MALRD1: variants seen among roughly 807,000 people sequenced by gnomAD.
MALRD1 encodes MAM and LDL receptor class A domain containing 1.
Under a neutral mutation model 242.1 loss-of-function variants are expected in MALRD1, and 247 were observed. The observed-to-expected ratio is 1.02, with a 90% CI of 0.92 to 1.13. The LOEUF (loss-of-function observed/expected upper bound fraction) is 1.13. Ranked by LOEUF, MALRD1 falls within the 50% of genes most tolerant of loss-of-function variation. The pLI, the probability that MALRD1 is intolerant of heterozygous loss-of-function variation, is 0.00. For synonymous variants in MALRD1, 995 were observed against 866.6 expected (o/e 1.15, Z -2.60); for missense variants, 2,989 against 2,533.1 (o/e 1.18, Z -3.86).
chr10:19,283,167 A>G lies in MALRD1; in HGVS notation c.3405A>G (p.Ser1135=), dbSNP rs1385050602. 2.6e-6 allele frequency: 4 copies of G among 1,547,512 alleles called. No individual in the cohort carries two copies. Among genetic ancestry groups the G allele is most frequent in the Non-Finnish European group, 2.6e-6 (3 of 1,145,250 alleles). ...ATGGGGAAGAAAACCACAGGCCATCAGTGGATCATACACAGTAAGTGACCA... is the reference window on the plus strand; with the variant it reads ...ATGGGGAAGAAAACCACAGGCCATCGGTGGATCATACACAGTAAGTGACCA... ...IHHGEENHRP[S]VDHTQNTTDG... is the part of the protein sequence containing the mutation. The change falls in exon 21 of 40, where the codon TCA becomes TCG. Residue 1135 remains serine (S), a synonymous_variant. Transcript: ENST00000454679.
intron 19 of MALRD1, among the ~76,000 whole-genome samples, chr10:19,263,674 C>G (rs1839851873): frequency 6.6e-6 from 1 of 152,078 alleles, no homozygotes; most frequent in African/African-American, 2.4e-5. Context: ...TTCTTTAATA[C>G]CACTTATTGA....
At chr10:19,296,018 A>T (rs1455296429) in intron 21 of MALRD1, among the ~76,000 whole-genome samples, 1 of 152,162 alleles carries the variant, frequency 6.6e-6, no homozygotes, top group Non-Finnish European at 1.5e-5. Context: ...GGCAGTGTTG[A>T]AACATACTGA....
intron 32 of MALRD1, among the ~76,000 whole-genome samples, chr10:19,533,051 T>C (rs1234704533): frequency 6.6e-6 from 1 of 152,134 alleles, no homozygotes; most frequent in East Asian, 1.9e-4. Context: ...AAAGCAAGCA[T>C]CAGTGGAAAG....
chr10:19,629,309 A>G (rs1315878281), intron 36 of MALRD1, among the ~76,000 whole-genome samples: 1 of 152,214 alleles, frequency 6.6e-6, no homozygotes, highest in Non-Finnish European at 1.5e-5. Context: ...CATTGCTGAC[A>G]GGGATTTGTG....
rs546270955 is a variant in MALRD1 at position 19,525,194 on chromosome 10, C to T, written c.5321-6000C>T. 5.9e-5 allele frequency among the ~76,000 whole-genome samples: 9 copies of T among 151,914 alleles called. No individual in the cohort carries two copies. The South Asian group carries it at 1.2e-3, about 21-fold the overall frequency. ...CCTCCCAAAGTGCTGAGATTACAGG[C>T]GTGAGCCACCGAGCCCAGCTAGCTT... On this transcript the variant is annotated intron_variant, in intron 31 of 39. Transcript: ENST00000454679.
At chr10:19,645,838 C>G (rs1840631481) in intron 36 of MALRD1, among the ~76,000 whole-genome samples, 1 of 152,024 alleles carries the variant, frequency 6.6e-6, no homozygotes, top group African/African-American at 2.4e-5. Flanking sequence ...TGTAACAAAC[C>G]TGCACGTTGT....
intron 7 of MALRD1, among the ~76,000 whole-genome samples, chr10:19,127,837 G>A (rs1588585089): frequency 6.7e-6 from 1 of 148,416 alleles, no homozygotes; most frequent in African/African-American, 2.5e-5. Flanking sequence ...ATCCAGAGGG[G>A]CAAGAATTCT....
intron 28 of MALRD1, among the ~76,000 whole-genome samples, chr10:19,445,328 C>T (rs1016686162): frequency 6.6e-6 from 1 of 152,208 alleles, no homozygotes; most frequent in South Asian, 2.1e-4. Flanking sequence ...CAAAGTTATT[C>T]TCCATCCACC....
intron 29 of MALRD1, among the ~76,000 whole-genome samples, chr10:19,464,507 A>G (rs1018124218): frequency 1.3e-5 from 2 of 152,120 alleles, no homozygotes; most frequent in Non-Finnish European, 2.9e-5. Context: ...TTTGTCAAAG[A>G]TCAGTTGGCT....
chr10:19,531,382 C>T, intron 32 of MALRD1, 31 bp downstream of exon 32: 16 of 1,498,238 alleles, frequency 1.1e-5, no homozygotes, highest in Non-Finnish European at 1.4e-5. Context: ...TTTATGATCA[C>T]TGAAATATGC....
intron 32 of MALRD1, among the ~76,000 whole-genome samples, chr10:19,544,676 A>T (rs7901868): frequency 0.019 from 2,818 of 152,130 alleles, 68 homozygotes; most frequent in East Asian, 0.058. Context: ...CTTTGGTCAG[A>T]TTTGATTGGC....
At chr10:19,709,243 T>TAAAAA (rs557818453) in intron 38 of MALRD1, among the ~76,000 whole-genome samples, 7 of 105,914 alleles carry the variant, frequency 6.6e-5, no homozygotes, top group East Asian at 2.9e-4. Flanking sequence ...CCGTCTGTAC[T>TAAAAA]AAAAAAAAAA....
intron 38 of MALRD1, among the ~76,000 whole-genome samples, chr10:19,706,123 A>G (rs1419665029): frequency 6.6e-6 from 1 of 152,164 alleles, no homozygotes; most frequent in Non-Finnish European, 1.5e-5. Context: ...TGAAGGATGG[A>G]GAAATCTGGT....
intron 18 of MALRD1, among the ~76,000 whole-genome samples, chr10:19,222,256 CA>C (rs1378719191): frequency 6.6e-6 from 1 of 152,118 alleles, no homozygotes; most frequent in East Asian, 1.9e-4. Context: ...CAAGCCCCCT[CA>C]CCCAGACTGT....
intron 24 of MALRD1, among the ~76,000 whole-genome samples, chr10:19,334,916 A>G (rs1213940506): frequency 1.3e-5 from 2 of 152,104 alleles, no homozygotes; most frequent in East Asian, 3.9e-4. Context: ...GTAATTTTTC[A>G]GAATTCAAGG....
At chr10:19,352,425 C>A (rs1844429021) in intron 26 of MALRD1, 128 bp downstream of exon 26, 1 of 897,698 alleles carries the variant, frequency 1.1e-6, no homozygotes, top group Non-Finnish European at 1.6e-6. Flanking sequence ...AATATAAGAT[C>A]TTTTTAAACT....
intron 33 of MALRD1, among the ~76,000 whole-genome samples, chr10:19,594,959 C>T (rs997988774): frequency 6.6e-6 from 1 of 152,078 alleles, no homozygotes; most frequent in African/African-American, 2.4e-5. Flanking sequence ...AACCAAAAAC[C>T]ACCTGTTCCC....
At chr10:19,164,345 A>T (rs1288312525) in intron 12 of MALRD1, among the ~76,000 whole-genome samples, 15 of 152,222 alleles carry the variant, frequency 9.9e-5, no homozygotes, top group African/African-American at 3.1e-4. Context: ...CAACAGTGAA[A>T]TACATGGCTT....
chr10:19,267,178 C>G (rs1271918805), intron 19 of MALRD1, among the ~76,000 whole-genome samples: 1 of 151,954 alleles, frequency 6.6e-6, no homozygotes, highest in Non-Finnish European at 1.5e-5. Flanking sequence ...TCTTTATTCT[C>G]TTTTAAATTT....
Sources: allele counts gnomAD v4.1 joint callset (sites outside exome capture counted in the v4.1 genomes callset), GRCh38; gene constraint gnomAD v4.1.1; transcripts MANE v1.5; gene names NCBI Gene and HGNC (gene_info 2026-07-23, HGNC 2026-07-21).